The following MYO6 variants were observed in gnomAD, a reference collection of about 807,000 sequenced individuals.
MYO6 encodes myosin VI, also known as unconventional myosin-VI.
In MYO6, 74 loss-of-function variants were observed where a neutral mutation model predicts 178.7. The observed-to-expected ratio is 0.41, with a 90% CI of 0.34 to 0.50. The LOEUF is 0.50. MYO6 is among the 20% of genes least tolerant of loss of function. MYO6 has a pLI of 0.09. For synonymous variants in MYO6, 477 were observed against 504.6 expected (o/e 0.95, Z 0.73); for missense variants, 1,330 against 1,547.4 (o/e 0.86, Z 2.36).
intron 1 of MYO6, among the ~76,000 whole-genome samples, chr6:75,790,602 C>G (rs1768128821): frequency 6.6e-6 from 1 of 152,156 alleles, no homozygotes; most frequent in South Asian, 2.1e-4. Context: ...TGGTTTTGAA[C>G]TCCTGACCTC....
intron 1 of MYO6, among the ~76,000 whole-genome samples, chr6:75,770,156 C>G (rs1765729941): frequency 6.6e-6 from 1 of 152,192 alleles, no homozygotes; most frequent in African/African-American, 2.4e-5. Context: ...TAACACCACC[C>G]ACTCTCCCTT....
chr6:75,841,459 C>A, intron 9 of MYO6, 81 bp downstream of exon 9: 2 of 1,364,512 alleles, frequency 1.5e-6, no homozygotes, highest in Non-Finnish European at 2.1e-6. Context: ...GAGGCTGAGG[C>A]GGATGGATTG....
At chr6:75,908,449 A>G (rs1284218942) in intron 31 of MYO6, 47 bp from the exon 32 acceptor site, 4 of 1,589,926 alleles carry the variant, frequency 2.5e-6, no homozygotes, top group South Asian at 2.2e-5. Flanking sequence ...TGTTAGACGA[A>G]TAAATTAACA....
intron 25 of MYO6, among the ~76,000 whole-genome samples, chr6:75,888,818 C>T (rs1778672934): frequency 6.6e-6 from 1 of 152,076 alleles, no homozygotes; most frequent in African/African-American, 2.4e-5. Flanking sequence ...CATGTTAATA[C>T]ATTATCTTCA....
chr6:75,869,457 G>T (rs1776963002), intron 18 of MYO6, among the ~76,000 whole-genome samples: 1 of 152,038 alleles, frequency 6.6e-6, no homozygotes, highest in Non-Finnish European at 1.5e-5. Context: ...TCCTTAATTA[G>T]ATTAAACATA....
At chr6:75,896,577 C>T (rs774335980) in intron 29 of MYO6, among the ~76,000 whole-genome samples, 25 of 152,254 alleles carry the variant, frequency 1.6e-4, no homozygotes, top group East Asian at 7.7e-4. Context: ...GCAAAAAATA[C>T]GATGTTTACA....
chr6:75,763,112 C>G (rs979076676), intron 1 of MYO6, among the ~76,000 whole-genome samples: 1 of 151,796 alleles, frequency 6.6e-6, no homozygotes, highest in Non-Finnish European at 1.5e-5. Context: ...CTGCAACCTC[C>G]ACCGTCCGAG....
chr6:75,858,841 A>G lies in MYO6; in HGVS notation c.1382-61A>G, dbSNP rs755648725. The stretch of plus-strand genomic sequence containing the variant: ...CATTATTACAATTACATTTTATCCT[A>G]TGATAAATTTATATGAAGTTGATCT... On this transcript the variant is annotated intron_variant, in intron 13 of 34. Coordinates refer to ENST00000369977, the MANE Select transcript of MYO6 (RefSeq NM_004999.4). The G allele has an allele frequency of 7.9e-5, 75 of 947,082 alleles. No individual in the cohort carries two copies. In the Middle Eastern group the frequency reaches 1.9e-3, roughly 24 times the overall value. 58.7% of individuals were successfully genotyped at this position (947,082 alleles called of 1,614,324 possible).
At chr6:75,856,081 C>T (rs1775697170) in intron 12 of MYO6, among the ~76,000 whole-genome samples, 1 of 152,090 alleles carries the variant, frequency 6.6e-6, no homozygotes, top group South Asian at 2.1e-4. Flanking sequence ...CTTTGCTAAG[C>T]AAATTCAAAA....
At chr6:75,792,549 T>A (rs918436467) in intron 1 of MYO6, among the ~76,000 whole-genome samples, 4 of 152,182 alleles carry the variant, frequency 2.6e-5, no homozygotes, top group Non-Finnish European at 5.9e-5. Context: ...TATTTCTACC[T>A]CTGCTTGTAT....
intron 1 of MYO6, among the ~76,000 whole-genome samples, chr6:75,771,168 AT>A (rs1465499711): frequency 6.6e-6 from 1 of 151,852 alleles, no homozygotes; most frequent in African/African-American, 2.4e-5. Flanking sequence ...CGCCTGGCTA[AT>A]TTTTGTATTT....
At chr6:75,882,858 T>C (rs114697075) in intron 23 of MYO6, among the ~76,000 whole-genome samples, 2 of 152,240 alleles carry the variant, frequency 1.3e-5, no homozygotes, top group Admixed American at 6.5e-5. Flanking sequence ...TAAACACATA[T>C]TATTGTGGTT....
intron 9 of MYO6, among the ~76,000 whole-genome samples, chr6:75,842,371 G>C (rs1175173544): frequency 1.3e-5 from 2 of 152,160 alleles, no homozygotes; most frequent in Non-Finnish European, 2.9e-5. Context: ...TGTGAGTAAG[G>C]AATGTCGTCT....
In MYO6 at chr6:75,911,822, T is replaced by A. The variant is rs1290322771; in HGVS notation, c.3439+124T>A. On this transcript the variant is annotated intron_variant, in intron 33 of 34. Coordinates refer to ENST00000369977, the MANE Select transcript of MYO6 (RefSeq NM_004999.4). Reference sequence around the variant, plus strand: ...CAGTGGAATTGTAGTGTGTTAAAGTTGTTATATCCATACTAAGATATATTT... The same window carrying A: ...CAGTGGAATTGTAGTGTGTTAAAGTAGTTATATCCATACTAAGATATATTT... The A allele has an allele frequency of 4.6e-6, 4 of 866,634 alleles. No homozygotes were observed. In the African/African-American group the frequency reaches 5.0e-5, roughly 11 times the overall value. The allele number at this position is 866,634 out of a possible 1,614,324, so 53.7% of individuals were successfully genotyped here.
At chr6:75,903,496 C>T (rs539965077) in intron 30 of MYO6, among the ~76,000 whole-genome samples, 171 of 151,950 alleles carry the variant, frequency 1.1e-3, no homozygotes, top group Non-Finnish European at 2.2e-3. Context: ...TTCTTTGTCT[C>T]TTTTGATCTT....
chr6:75,902,153 C>G (rs1779835812), intron 30 of MYO6, among the ~76,000 whole-genome samples: 1 of 152,094 alleles, frequency 6.6e-6, no homozygotes, highest in Non-Finnish European at 1.5e-5. Flanking sequence ...ATTTTTGCAT[C>G]AATGTTCTTC....
At chr6:75,754,582 TTTCTGTGGCAGAA>T (rs1484072125) in intron 1 of MYO6, among the ~76,000 whole-genome samples, 1 of 148,250 alleles carries the variant, frequency 6.7e-6, no homozygotes, top group Non-Finnish European at 1.5e-5. Flanking sequence ...GGTAATATAT[TTTCTGTGGCAGAA>T]TTTTTTGATT....
chr6:75,890,476 C>T (rs562870062), intron 26 of MYO6, among the ~76,000 whole-genome samples: 18 of 152,226 alleles, frequency 1.2e-4, no homozygotes, highest in African/African-American at 3.9e-4. Flanking sequence ...TCCTGAGTAG[C>T]TGGGATTACA....
chr6:75,911,590 AAG>A, intron 32 of MYO6, 80 bp from the exon 33 acceptor site: 1 of 1,225,358 alleles, frequency 8.2e-7, no homozygotes, highest in South Asian at 1.2e-5. Context: ...CCTCGATTGG[AAG>A]GCTTTATAAA....
Sources: allele counts gnomAD v4.1 joint callset (sites outside exome capture counted in the v4.1 genomes callset), GRCh38; gene constraint gnomAD v4.1.1; transcripts MANE v1.5; gene names NCBI Gene and HGNC (gene_info 2026-07-23, HGNC 2026-07-21).